ZCCHC24: variants seen among roughly 807,000 people sequenced by gnomAD.
ZCCHC24 encodes the protein zinc finger CCHC domain-containing protein 24.
In ZCCHC24, 10 loss-of-function variants were observed where a neutral mutation model predicts 26.2. The observed-to-expected ratio is 0.38, with a 90% CI of 0.24 to 0.65. The LOEUF (loss-of-function observed/expected upper bound fraction) is 0.65. ZCCHC24 is among the 30% of genes least tolerant of loss of function. The pLI is 0.54. For synonymous variants in ZCCHC24, 144 were observed against 147.1 expected (o/e 0.98, Z 0.15); for missense variants, 243 against 329.1 (o/e 0.74, Z 2.03).
chr10:79,416,026 G>A (rs533889661), intron 2 of ZCCHC24, among the ~76,000 whole-genome samples: 10 of 152,322 alleles, frequency 6.6e-5, no homozygotes, highest in Admixed American at 1.3e-4. Flanking sequence ...CCCGGGCTGC[G>A]CATTTTTGAT....
chr10:79,433,167 T>C (rs144070755), intron 1 of ZCCHC24, among the ~76,000 whole-genome samples: 1 of 152,322 alleles, frequency 6.6e-6, no homozygotes, highest in African/African-American at 2.4e-5. Context: ...ACCTGTCAGA[T>C]TTGGGGCTCT....
At chr10:79,390,242 T>C (rs1362013888) in intron 3 of ZCCHC24, among the ~76,000 whole-genome samples, 1 of 152,212 alleles carries the variant, frequency 6.6e-6, no homozygotes, top group Non-Finnish European at 1.5e-5. Context: ...GTGTGACCTT[T>C]AGCAAATCAC....
intron 2 of ZCCHC24, among the ~76,000 whole-genome samples, chr10:79,401,061 G>C (rs949926203): frequency 6.6e-6 from 1 of 152,246 alleles, no homozygotes; most frequent in African/African-American, 2.4e-5. Context: ...TTGAGGCAGA[G>C]AATCATAGGG....
chr10:79,387,198 G>A (rs1042480018), intron 3 of ZCCHC24, among the ~76,000 whole-genome samples: 8 of 152,264 alleles, frequency 5.3e-5, no homozygotes, highest in Admixed American at 2.6e-4. Context: ...CCCAGAGAAG[G>A]GAGGTGACTT....
At position 79,445,151 on chromosome 10, in the gene ZCCHC24, G is replaced by GTGGGGCGA. The variant is rs1857346927; in HGVS notation, c.246+43_246+44insTCGCCCCA. The GTGGGGCGA allele has an allele frequency of 2.4e-6, 3 of 1,265,050 alleles. No homozygotes were observed. In the African/African-American group the frequency reaches 4.7e-5, roughly 20 times the overall value. 78.4% of individuals were successfully genotyped at this position (1,265,050 alleles called of 1,614,324 possible). A position where few individuals can be genotyped will look rare whatever the true frequency, so the allele number is the denominator to read the frequency against. On this transcript the variant is annotated intron_variant, in intron 1 of 3. Coordinates refer to ENST00000372336, the MANE Select transcript of ZCCHC24 (RefSeq NM_153367.4). Reference sequence around the variant, plus strand: ...GGGAACGGCCCGCCACGGTGGGGCGGTGGGGCGGTGGGGCGGTGGGCGGGG... The same window carrying GTGGGGCGA: ...GGGAACGGCCCGCCACGGTGGGGCGGTGGGGCGATGGGGCGGTGGGGCGGTGGGCGGGG...
intron 1 of ZCCHC24, among the ~76,000 whole-genome samples, chr10:79,434,173 AC>A (rs372258525): frequency 2.9e-3 from 439 of 152,340 alleles, no homozygotes; most frequent in Admixed American, 5.7e-3. Flanking sequence ...GGAAGGAAAG[AC>A]ACAGACACCA....
chr10:79,386,448 T>G lies in ZCCHC24; in HGVS notation c.623A>C (p.Glu208Ala). 1 of 1,596,954 alleles carries G rather than the reference T, an allele frequency of 6.3e-7. No individual in the cohort carries two copies. Residue 208 changes from glutamate to alanine, a missense_variant, in exon 4 of 4, where the codon GAG becomes GCG. Coordinates refer to ENST00000372336, the MANE Select transcript of ZCCHC24 (RefSeq NM_153367.4). ...NVYPHKQRPL[E>A]KPDGLDVSDQ... ...GGACACGTCCAGGCCGTCGGGCTTC[T>G]CCAGGGGTCTCTGCAGAGAGAAGGA...
At chr10:79,423,610 T>TATATA (rs1856985037) in intron 2 of ZCCHC24, among the ~76,000 whole-genome samples, 2 of 140,334 alleles carry the variant, frequency 1.4e-5, no homozygotes, top group African/African-American at 5.4e-5. Context: ...TATATATATA[T>TATATA]TTTCTGACTG....
intron 1 of ZCCHC24, among the ~76,000 whole-genome samples, chr10:79,442,833 C>G (rs937595067): frequency 3.3e-5 from 5 of 152,138 alleles, no homozygotes; most frequent in Non-Finnish European, 7.4e-5. Flanking sequence ...AAGGCCTGTC[C>G]TCAGGAACAC....
intron 1 of ZCCHC24, among the ~76,000 whole-genome samples, chr10:79,440,914 A>G (rs1321253487): frequency 6.6e-6 from 1 of 152,156 alleles, no homozygotes; most frequent in East Asian, 1.9e-4. Flanking sequence ...AATCTGACAG[A>G]GGGAGGGTCA....
At chr10:79,391,801 C>T (rs1385119611) in intron 3 of ZCCHC24, among the ~76,000 whole-genome samples, 5 of 151,426 alleles carry the variant, frequency 3.3e-5, no homozygotes, top group African/African-American at 7.3e-5. Flanking sequence ...GCTCCCGGAG[C>T]GCTCTCCCCT....
intron 2 of ZCCHC24, among the ~76,000 whole-genome samples, chr10:79,414,260 T>G (rs1439636027): frequency 6.6e-6 from 1 of 152,240 alleles, no homozygotes; most frequent in African/African-American, 2.4e-5. Flanking sequence ...GCTTAAGTTC[T>G]TGGAGTCTCT....
intron 3 of ZCCHC24, among the ~76,000 whole-genome samples, chr10:79,386,748 C>G (rs1856403566): frequency 6.6e-6 from 1 of 152,194 alleles, no homozygotes; most frequent in African/African-American, 2.4e-5. Flanking sequence ...TCCTAGGGCA[C>G]ACAGGTGGGG....
In ZCCHC24 at chr10:79,385,927, G is replaced by T. The variant is rs1468215097; in HGVS notation, c.*418C>A. 1 of 412,566 alleles carries T rather than the reference G, an allele frequency of 2.4e-6. No homozygotes were observed. Among genetic ancestry groups the T allele is most frequent in the Non-Finnish European group, 4.3e-6 (1 of 231,972 alleles). The allele number at this position is 412,566 out of a possible 1,614,324, so 25.6% of individuals were successfully genotyped here. On this transcript the variant is annotated 3_prime_UTR_variant, in exon 4 of 4. Transcript: ENST00000372336. This position sits in a 1 kb window ranked among gnomAD's most constrained non-coding sequence, Gnocchi z 4.3. ...TACAGGGCAAACCGGAAGGTTCTGG[G>T]TGGGGGCAGGCGGCCTGGCTGGTCT...
intron 1 of ZCCHC24, among the ~76,000 whole-genome samples, chr10:79,439,792 CA>C (rs3997794): frequency 0.083 from 9,613 of 116,012 alleles, 352 homozygotes; most frequent in African/African-American, 0.14. Flanking sequence ...CAGACTCCAT[CA>C]AAAAAAAAAA....
chr10:79,389,298 G>A (rs1856439500), intron 3 of ZCCHC24, among the ~76,000 whole-genome samples: 1 of 152,222 alleles, frequency 6.6e-6, no homozygotes, highest in African/African-American at 2.4e-5. Flanking sequence ...GAGACTGAAG[G>A]GGTCACTGCC....
intron 1 of ZCCHC24, among the ~76,000 whole-genome samples, chr10:79,438,068 G>A (rs1857238920): frequency 6.6e-6 from 1 of 152,162 alleles, no homozygotes; most frequent in South Asian, 2.1e-4. Flanking sequence ...CAGGCTACCA[G>A]GCACGGCAGA....
chr10:79,401,133 C>T (rs1007194062), intron 2 of ZCCHC24, among the ~76,000 whole-genome samples: 1 of 152,220 alleles, frequency 6.6e-6, no homozygotes, highest in Non-Finnish European at 1.5e-5. Context: ...GCCAAGACTC[C>T]AGGCTGCACT....
intron 2 of ZCCHC24, among the ~76,000 whole-genome samples, chr10:79,398,188 A>G (rs1243048559): frequency 6.6e-6 from 1 of 152,128 alleles, no homozygotes; most frequent in Non-Finnish European, 1.5e-5. Flanking sequence ...CCAACACGCC[A>G]TTGCATGGGA....
Sources: gnomAD v4.1 joint callset for allele counts (sites outside exome capture counted in the v4.1 genomes callset) on GRCh38, gnomAD v4.1.1 for gene constraint, Gnocchi (gnomAD v3.1) non-coding constraint, MANE v1.5 for transcripts, NCBI Gene and HGNC (gene_info 2026-07-23, HGNC 2026-07-21) for gene names.